Variants in TRABD2B observed in about 807,000 individuals in gnomAD.
TRABD2B encodes the protein TraB domain containing 2B, also known as metalloprotease TIKI2.
Under a neutral mutation model 40.1 loss-of-function variants are expected in TRABD2B, and 14 were observed. The ratio of observed to expected loss-of-function variants is 0.35; its 90% CI spans 0.23 to 0.55. The LOEUF is 0.55. Among genes scored for constraint, TRABD2B ranks in the 20% least tolerant of loss-of-function variants. The pLI is 0.90. For synonymous variants in TRABD2B, 263 were observed against 277.0 expected, an observed-to-expected ratio of 0.95 and a Z score of 0.50; for missense variants, 541 against 648.6, an observed-to-expected ratio of 0.83 and a Z score of 1.80.
Position 47,991,036 on chromosome 1 carries a change from G to T in TRABD2B, c.666+2998C>A, listed in dbSNP as rs181631921. Among the ~76,000 whole-genome samples the T allele has an allele frequency of 1.3e-5, 2 of 151,410 alleles. 1 individual carries two copies. Among genetic ancestry groups the T allele is most frequent in the South Asian group, 4.2e-4 (2 of 4,784 alleles). On this transcript the variant is annotated intron_variant, in intron 2 of 6. Transcript: ENST00000606738. ...AATTTTAAGCCCTCAAGTCCTAAAG[G>T]GGAGAGAGAAACAGAAGAAAGAACT... is the stretch of plus-strand genomic sequence containing the variant.
chr1:47,806,748 A>C (rs72892320), intron 2 of TRABD2B, among the ~76,000 whole-genome samples: 1,844 of 152,302 alleles, frequency 0.012, 42 homozygotes, highest in African/African-American at 0.042. Context: ...GAACAGGTTT[A>C]TTGTTCCAGA....
At chr1:47,905,480 C>G (rs1277026289) in intron 2 of TRABD2B, among the ~76,000 whole-genome samples, 2 of 152,156 alleles carry the variant, frequency 1.3e-5, no homozygotes, top group Non-Finnish European at 2.9e-5. Context: ...CAACCTACCC[C>G]ATCCCACTCA....
At chr1:47,961,560 G>A (rs303919) in intron 2 of TRABD2B, among the ~76,000 whole-genome samples, 22,867 of 152,166 alleles carry the variant, frequency 0.15, 1,967 homozygotes, top group East Asian at 0.35. Flanking sequence ...AAGGATATGA[G>A]CAGACACTTC....
chr1:47,776,848 A>G (rs1180294963), intron 5 of TRABD2B, among the ~76,000 whole-genome samples: 1 of 152,196 alleles, frequency 6.6e-6, no homozygotes, highest in Non-Finnish European at 1.5e-5. Flanking sequence ...TGGCAACCCC[A>G]GATTCTCAGG....
At chr1:47,831,200 G>C in intron 2 of TRABD2B, among the ~76,000 whole-genome samples, 1 of 152,120 alleles carries the variant, frequency 6.6e-6, no homozygotes, top group Admixed American at 6.5e-5. Flanking sequence ...ACCAACAGTT[G>C]GGAGGACTGG....
chr1:47,790,850 A>G (rs990489579), intron 4 of TRABD2B, among the ~76,000 whole-genome samples: 2 of 152,234 alleles, frequency 1.3e-5, no homozygotes, highest in African/African-American at 4.8e-5. Context: ...ACCATGGAAG[A>G]GCATTTTAAT....
chr1:47,878,662 C>T (rs759192966), intron 2 of TRABD2B, among the ~76,000 whole-genome samples: 2 of 152,190 alleles, frequency 1.3e-5, no homozygotes, highest in Non-Finnish European at 2.9e-5. Context: ...TGAGCTATCT[C>T]TTGAGAGGCA....
chr1:47,796,643 A>G (rs189377402), intron 3 of TRABD2B, among the ~76,000 whole-genome samples: 2 of 152,340 alleles, frequency 1.3e-5, no homozygotes, highest in East Asian at 3.9e-4. Context: ...TCTGCCAGAA[A>G]GGCCTGACTC....
intron 3 of TRABD2B, among the ~76,000 whole-genome samples, chr1:47,800,941 G>A (rs1644815297): frequency 6.6e-6 from 1 of 152,218 alleles, no homozygotes; most frequent in Non-Finnish European, 1.5e-5. Flanking sequence ...GTCCTTGAAT[G>A]CTGGAGGAAG....
chr1:47,790,369 C>A (rs1644654522), intron 4 of TRABD2B, among the ~76,000 whole-genome samples: 1 of 152,212 alleles, frequency 6.6e-6, no homozygotes, highest in Admixed American at 6.5e-5. Context: ...GGCTTGCACA[C>A]TGGCCACAGC....
At chr1:47,829,655 T>A (rs910311744) in intron 2 of TRABD2B, among the ~76,000 whole-genome samples, 1 of 152,120 alleles carries the variant, frequency 6.6e-6, no homozygotes, top group African/African-American at 2.4e-5. Context: ...CCCTTCCTTA[T>A]CCTGTCCCCT....
At chr1:47,883,027 T>C (rs1053626570) in intron 2 of TRABD2B, among the ~76,000 whole-genome samples, 3 of 152,130 alleles carry the variant, frequency 2.0e-5, no homozygotes, top group African/African-American at 7.2e-5. Context: ...AATGTGAGCT[T>C]TCCTTGAAGA....
intron 2 of TRABD2B, chr1:47,819,595 C>T (rs1217970775): frequency 6.6e-6 from 1 of 152,182 alleles, no homozygotes; most frequent in Non-Finnish European, 1.5e-5. Context: ...GCAATGAACA[C>T]AGCAAGGACT....
At chr1:47,819,640 C>G (rs1645079739) in intron 2 of TRABD2B, 2 of 152,166 alleles carry the variant, frequency 1.3e-5, no homozygotes, top group South Asian at 4.1e-4. Context: ...GGGTCTGGGC[C>G]TGGATGGGCT....
At chr1:47,821,525 C>T (rs1359313504) in intron 2 of TRABD2B, among the ~76,000 whole-genome samples, 1 of 152,184 alleles carries the variant, frequency 6.6e-6, no homozygotes, top group Non-Finnish European at 1.5e-5. Flanking sequence ...GCGGGAGTTG[C>T]CCTGGCAATG....
intron 2 of TRABD2B, among the ~76,000 whole-genome samples, chr1:47,978,495 A>T (rs1198852954): frequency 6.6e-6 from 1 of 152,220 alleles, no homozygotes; most frequent in East Asian, 1.9e-4. Flanking sequence ...AAGGCAACCC[A>T]GCACAGGCCC....
At chr1:47,876,604 T>G (rs1007146603) in intron 2 of TRABD2B, among the ~76,000 whole-genome samples, 5 of 152,186 alleles carry the variant, frequency 3.3e-5, no homozygotes, top group African/African-American at 1.2e-4. Flanking sequence ...TACAGGTTCA[T>G]GGAGAAGGAA....
At position 47,815,798 on chromosome 1, in the gene TRABD2B, GAGATAGAT is replaced by G. The variant is rs6143214; in HGVS notation, c.667-14187_667-14180del. On this transcript the variant is annotated intron_variant, in intron 2 of 6. Coordinates refer to ENST00000606738, the MANE Select transcript of TRABD2B (RefSeq NM_001194986.2). ...CAAGAGAGAGGTAGAGATGGTGACA[GAGATAGAT>G]AGATAGATAGATAGATAGATAGATA... Among the ~76,000 whole-genome samples, 650 of 149,124 alleles carry G rather than the reference GAGATAGAT, an allele frequency of 4.4e-3. 3 individuals are homozygous for G. The highest frequency in any genetic ancestry group is 6.8e-3 in the African/African-American group (276 of 40,386).
At chr1:47,850,040 C>T (rs1477956066) in intron 2 of TRABD2B, among the ~76,000 whole-genome samples, 3 of 152,232 alleles carry the variant, frequency 2.0e-5, no homozygotes, top group Non-Finnish European at 2.9e-5. Context: ...CTTGGGTCTT[C>T]GAGCTACTTG....
Sources: gnomAD v4.1 joint callset for allele counts (sites outside exome capture counted in the v4.1 genomes callset) on GRCh38, gnomAD v4.1.1 for gene constraint, MANE v1.5 for transcripts, NCBI Gene and HGNC (gene_info 2026-07-23, HGNC 2026-07-21) for gene names.